Variants in MMRN2 observed in about 807,000 individuals in gnomAD.
MMRN2 encodes the protein multimerin-2.
In MMRN2, 53 loss-of-function variants were observed where a neutral mutation model predicts 68.8. The observed-to-expected ratio is 0.77, with a 90% CI of 0.62 to 0.97. MMRN2 has a LOEUF of 0.97. MMRN2 is among the 50% of genes least tolerant of loss of function. The probability of loss-of-function intolerance (pLI) is 0.00; values close to 1 mark genes in which losing one functional copy is unlikely to be tolerated. For synonymous variants in MMRN2, 564 were observed against 551.6 expected, an observed-to-expected ratio of 1.02 and a Z score of -0.32; for missense variants, 1,266 against 1,259.5, an observed-to-expected ratio of 1.01 and a Z score of -0.08.
At chr10:86,944,829 C>T (rs950703553) in intron 4 of MMRN2, among the ~76,000 whole-genome samples, 2 of 152,218 alleles carry the variant, frequency 1.3e-5, no homozygotes, top group African/African-American at 4.8e-5. Context: ...GTGCTGACTC[C>T]AAGACCAAGG....
chr10:86,952,907 G>C (rs1278973676), intron 1 of MMRN2, among the ~76,000 whole-genome samples: 2 of 152,136 alleles, frequency 1.3e-5, no homozygotes, highest in East Asian at 3.8e-4. Context: ...GACACTCCCA[G>C]AGCGGCCGTT....
intron 1 of MMRN2, among the ~76,000 whole-genome samples, chr10:86,953,407 A>T (rs918120336): frequency 2.6e-5 from 4 of 152,184 alleles, no homozygotes; most frequent in Middle Eastern, 3.2e-3. Flanking sequence ...TTGGGAACTG[A>T]TATATGCCCA....
At chr10:86,956,433 G>A (rs1844231334) in intron 1 of MMRN2, among the ~76,000 whole-genome samples, 1 of 152,124 alleles carries the variant, frequency 6.6e-6, no homozygotes, top group African/African-American at 2.4e-5. Flanking sequence ...AGTGTAAGTT[G>A]GCCCCCCCCT....
At chr10:86,945,515 G>T in intron 2 of MMRN2, 39 bp from the exon 3 acceptor site, 1 of 1,560,174 alleles carries the variant, frequency 6.4e-7, no homozygotes, top group Non-Finnish European at 8.7e-7. Context: ...ATTCCAGGGA[G>T]GGCCCGCTCC....
chr10:86,944,752 A>G (rs374484014), intron 4 of MMRN2, among the ~76,000 whole-genome samples: 1 of 152,156 alleles, frequency 6.6e-6, no homozygotes, highest in African/African-American at 2.4e-5. Context: ...AAACTCATTT[A>G]CTTTCTCAAT....
At chr10:86,950,162 T>A (rs957374988) in intron 1 of MMRN2, among the ~76,000 whole-genome samples, 17 of 152,090 alleles carry the variant, frequency 1.1e-4, no homozygotes, top group Admixed American at 9.8e-4. Context: ...CTGGCCAACA[T>A]AGTGACACCC....
rs566677951 is a variant in MMRN2 at position 86,947,536 on chromosome 10, AT to A, written c.165-1848del. Among the ~76,000 whole-genome samples, 708 of 151,694 alleles carry A rather than the reference AT, an allele frequency of 4.7e-3. 5 individuals are homozygous for A. The highest frequency in any genetic ancestry group is 0.016 in the African/African-American group (670 of 41,378). On this transcript the variant is annotated intron_variant, in intron 1 of 6. Transcript: ENST00000372027. ...AGGTGCCCACCACCAAGCCTGGCTA[AT>A]TTTTTTTGTATTTTTAGTAGAGACG...
In MMRN2 at chr10:86,957,496, C is replaced by T; in HGVS notation, c.46G>A (p.Gly16Arg). ...GCCTGGGCCCATGCCCCCAGCAGCC[C>T]CCAGCCCAGGGGGCCCCCAAGGCTG... Reference protein sequence around the residue: ...LFSLGGPLGWGLLGAWAQASS... With the variant: ...LFSLGGPLGWRLLGAWAQASS... The change falls in exon 1 of 7, where the codon GGG (glycine) becomes AGG (arginine). Residue 16 changes from glycine to arginine, a missense_variant. Transcript: ENST00000372027. The T allele has an allele frequency of 1.2e-6, 2 of 1,613,126 alleles. No homozygotes were observed.
chr10:86,948,224 C>CAAAAAA (rs57877767), intron 1 of MMRN2, among the ~76,000 whole-genome samples: 1 of 98,858 alleles, frequency 1.0e-5, no homozygotes, highest in Non-Finnish European at 2.0e-5. Context: ...AACCCTATCT[C>CAAAAAA]AAAAAAAAAA....
chr10:86,950,110 G>A (rs1317507995), intron 1 of MMRN2, among the ~76,000 whole-genome samples: 3 of 151,944 alleles, frequency 2.0e-5, no homozygotes, highest in African/African-American at 7.3e-5. Flanking sequence ...ACTTTGGGAG[G>A]CCGAAGCAGG....
rs1001802359 is a variant in MMRN2 at position 86,942,590 on chromosome 10, C to G, written c.2194G>C (p.Gly732Arg). The change falls in exon 6 of 7, where the codon GGC becomes CGC. Residue 732 changes from glycine (G) to arginine (R), a missense_variant. Coordinates refer to ENST00000372027, the MANE Select transcript of MMRN2 (RefSeq NM_024756.3). Reference protein sequence around the residue: ...GAASLNASLHGLHNALFATQR... With the variant: ...GAASLNASLHRLHNALFATQR... ...GTGGCGAAGAGTGCGTTGTGGAGGCCGTGAAGGGAGGCGTTGAGGGAGGCG... is the reference window on the plus strand; with the variant it reads ...GTGGCGAAGAGTGCGTTGTGGAGGCGGTGAAGGGAGGCGTTGAGGGAGGCG... The G allele has an allele frequency of 1.9e-6, 3 of 1,610,992 alleles. No individual in the cohort carries two copies. In the African/African-American group the frequency reaches 4.0e-5, roughly 21 times the overall value.
intron 6 of MMRN2, among the ~76,000 whole-genome samples, chr10:86,939,188 G>A (rs2133674527): frequency 6.7e-6 from 1 of 148,530 alleles, no homozygotes; most frequent in East Asian, 2.0e-4. Flanking sequence ...AAAATGCCGG[G>A]CGCAATGGCT....
chr10:86,940,705 C>T (rs1843954011), intron 6 of MMRN2, among the ~76,000 whole-genome samples: 2 of 152,246 alleles, frequency 1.3e-5, no homozygotes, highest in Non-Finnish European at 2.9e-5. Context: ...GGGGCAGGGG[C>T]TGCCTGGGAC....
At chr10:86,951,436 G>C (rs1844142005) in intron 1 of MMRN2, among the ~76,000 whole-genome samples, 1 of 152,252 alleles carries the variant, frequency 6.6e-6, no homozygotes, top group African/African-American at 2.4e-5. Flanking sequence ...CCTCCAGAGT[G>C]CAGGGCCTTG....
Position 86,943,404 on chromosome 10 carries a change from G to A in MMRN2, c.1380C>T (p.Asn460=), listed in dbSNP as rs1394016351. The A allele has an allele frequency of 6.8e-6, 11 of 1,613,972 alleles. No individual in the cohort carries two copies. The Admixed American group carries it at 1.8e-4, about 27-fold the overall frequency. Reference sequence around the variant, plus strand: ...GGAGCTGCCGCTCCACCTCCTCCTTGTTCTCCTCCATGATCAGAGACTTCT... The same window carrying A: ...GGAGCTGCCGCTCCACCTCCTCCTTATTCTCCTCCATGATCAGAGACTTCT... ...LMEKSLIMEE[N]KEEVERQLLE... is the part of the protein sequence containing the mutation. The change falls in exon 6 of 7, where the codon AAC becomes AAT. Residue 460 remains asparagine, a synonymous_variant. Coordinates refer to ENST00000372027, the MANE Select transcript of MMRN2 (RefSeq NM_024756.3). The surrounding 1 kb of genome is among the most constrained non-coding windows in gnomAD (Gnocchi z 4.2).
Position 86,945,671 on chromosome 10 carries a change from T to A in MMRN2, c.183A>T (p.Pro61=). 3 of 1,614,000 alleles carry A rather than the reference T, an allele frequency of 1.9e-6. No individual in the cohort carries two copies. Among genetic ancestry groups the A allele is most frequent in the Non-Finnish European group, 2.5e-6 (3 of 1,180,014 alleles). Residue 61 remains proline, a synonymous_variant, in exon 2 of 7, where the codon CCA becomes CCT. Coordinates refer to ENST00000372027, the MANE Select transcript of MMRN2 (RefSeq NM_024756.3). Reference sequence around the variant, plus strand: ...CTAGTAAGGTGACCAGCTTGGACATTGGGTAGGGGCACCAGTTACTGGAAA... The same window carrying A: ...CTAGTAAGGTGACCAGCTTGGACATAGGGTAGGGGCACCAGTTACTGGAAA... The part of the protein sequence containing the change: ...DPVGRNWCPY[P]MSKLVTLLAL...
At chr10:86,949,204 C>T (rs1365452251) in intron 1 of MMRN2, 1 of 152,164 alleles carries the variant, frequency 6.6e-6, no homozygotes, top group Non-Finnish European at 1.5e-5. Context: ...AACTGGAACA[C>T]AGTGAAAATT....
At chr10:86,940,017 A>AT (rs34638842) in intron 6 of MMRN2, among the ~76,000 whole-genome samples, 59,067 of 138,136 alleles carry the variant, frequency 0.43, 12,781 homozygotes, top group East Asian at 0.68. Flanking sequence ...CACCGGGCTA[A>AT]TTTTTTTTTT....
chr10:86,954,474 G>T (rs1025704999), intron 1 of MMRN2, among the ~76,000 whole-genome samples: 2 of 152,228 alleles, frequency 1.3e-5, no homozygotes, highest in Non-Finnish European at 2.9e-5. Flanking sequence ...GGGGGGAAGG[G>T]AGAGGGAGCC....
Sources: allele counts gnomAD v4.1 joint callset (sites outside exome capture counted in the v4.1 genomes callset), GRCh38; gene constraint gnomAD v4.1.1; non-coding constraint Gnocchi (gnomAD v3.1); transcripts MANE v1.5; gene names NCBI Gene and HGNC (gene_info 2026-07-23, HGNC 2026-07-21).